HPSE2: variants seen among roughly 807,000 people sequenced by gnomAD.
HPSE2 encodes heparanase 2 (inactive), also known as inactive heparanase-2.
A neutral mutation model predicts 60.5 loss-of-function variants in HPSE2; 38 were observed. The ratio of observed to expected loss-of-function variants is 0.63; its 90% confidence interval spans 0.48 to 0.82. The LOEUF (loss-of-function observed/expected upper bound fraction) is 0.82, where lower values mean the gene tolerates loss of function less well. Among genes scored for constraint, HPSE2 ranks in the 40% least tolerant of loss-of-function variants. The probability of loss-of-function intolerance (pLI) is 0.00; values close to 1 mark genes in which losing one functional copy is unlikely to be tolerated. For synonymous variants in HPSE2, 295 were observed against 293.2 expected (o/e 1.01, Z -0.06); for missense variants, 713 against 740.4 (o/e 0.96, Z 0.43).
At chr10:98,697,887 C>T (rs1452778088) in intron 5 of HPSE2, among the ~76,000 whole-genome samples, 28 of 151,786 alleles carry the variant, frequency 1.8e-4, no homozygotes, top group African/African-American at 6.3e-4. Context: ...TCAAAAGAGA[C>T]AAAGAAGGCC....
At chr10:98,671,824 A>G (rs1947514789) in intron 6 of HPSE2, among the ~76,000 whole-genome samples, 1 of 152,160 alleles carries the variant, frequency 6.6e-6, no homozygotes, top group Non-Finnish European at 1.5e-5. Flanking sequence ...TGACAAAGGG[A>G]ATGAAAGGCA....
intron 4 of HPSE2, among the ~76,000 whole-genome samples, chr10:98,736,203 C>T (rs1949353146): frequency 1.0e-5 from 1 of 96,252 alleles, no homozygotes; most frequent in Non-Finnish European, 2.2e-5. Flanking sequence ...GGGGTTTCCC[C>T]TTTTGCTTGG....
At chr10:98,951,179 A>G (rs1426728298) in intron 3 of HPSE2, among the ~76,000 whole-genome samples, 1 of 152,182 alleles carries the variant, frequency 6.6e-6, no homozygotes, top group African/African-American at 2.4e-5. Context: ...TTTTTAAACC[A>G]AAAAGCACAC....
the HPSE2 span, among the ~76,000 whole-genome samples, chr10:99,265,985 C>T: frequency 1.8e-4 from 28 of 152,220 alleles, no homozygotes; most frequent in Admixed American, 1.8e-3. Flanking sequence ...TGGGCTCTCT[C>T]AGTCCCCAGA....
chr10:98,978,956 C>T (rs1159596743), intron 3 of HPSE2, among the ~76,000 whole-genome samples: 4 of 152,204 alleles, frequency 2.6e-5, no homozygotes, highest in African/African-American at 9.6e-5. Flanking sequence ...CAAGGAGATG[C>T]TCTGCCTTCT....
chr10:98,964,214 A>C (rs2135244751), intron 3 of HPSE2, among the ~76,000 whole-genome samples: 1 of 152,152 alleles, frequency 6.6e-6, no homozygotes, highest in South Asian at 2.1e-4. Context: ...TTTTATTTTC[A>C]ATTATTTTCT....
At chr10:99,235,904 T>TC, upstream of HPSE2, 1 of 938,180 alleles carries the variant, frequency 1.1e-6, no homozygotes, top group Non-Finnish European at 1.7e-6. Context: ...CCCCTTTTTT[T>TC]CCCTTCCTCC....
At chr10:98,534,324 C>CTA (rs1462704682) in intron 9 of HPSE2, among the ~76,000 whole-genome samples, 1 of 152,202 alleles carries the variant, frequency 6.6e-6, no homozygotes, top group Non-Finnish European at 1.5e-5. Context: ...TGGAAGAAAT[C>CTA]TGCCTCATAG....
chr10:99,207,745 T>C lies in HPSE2; in HGVS notation c.448+24603A>G, dbSNP rs1029893395. Among the ~76,000 whole-genome samples the C allele has an allele frequency of 1.1e-4, 17 of 152,084 alleles. 1 individual carries two copies. Among genetic ancestry groups the C allele is most frequent in the Admixed American group, 7.2e-4 (11 of 15,266 alleles). ...AGTTTTAAAAAGCCTAAAATAACTATGTTTTTATATAAGCTTCACTCTAAA... is the reference window on the plus strand; with the variant it reads ...AGTTTTAAAAAGCCTAAAATAACTACGTTTTTATATAAGCTTCACTCTAAA... On this transcript the variant is annotated intron_variant, in intron 2 of 11. Coordinates refer to ENST00000370552, the MANE Select transcript of HPSE2 (RefSeq NM_021828.5).
intron 11 of HPSE2, among the ~76,000 whole-genome samples, chr10:98,473,522 AAGAG>A (rs1440107825): frequency 2.7e-5 from 3 of 112,742 alleles, no homozygotes; most frequent in Admixed American, 1.7e-4. Flanking sequence ...GAAAAAGAGA[AAGAG>A]AGAGAGAGAA....
At chr10:98,752,781 G>T (rs147519673) in intron 3 of HPSE2, among the ~76,000 whole-genome samples, 1 of 152,260 alleles carries the variant, frequency 6.6e-6, no homozygotes, top group African/African-American at 2.4e-5. Context: ...CCATGATATG[G>T]AATCAGCCTA....
chr10:98,958,842 T>C (rs1046745975), intron 3 of HPSE2, among the ~76,000 whole-genome samples: 2 of 152,168 alleles, frequency 1.3e-5, no homozygotes, highest in African/African-American at 4.8e-5. Flanking sequence ...ATTCCTATTA[T>C]ACCTCACCTG....
At chr10:98,950,956 C>G (rs536730872) in intron 3 of HPSE2, among the ~76,000 whole-genome samples, 21 of 152,272 alleles carry the variant, frequency 1.4e-4, no homozygotes, top group African/African-American at 3.9e-4. Flanking sequence ...GTCTGGCTTT[C>G]TGTGCCACTT....
chr10:98,962,581 A>G (rs1428568475), intron 3 of HPSE2, among the ~76,000 whole-genome samples: 10 of 151,124 alleles, frequency 6.6e-5, no homozygotes, highest in East Asian at 5.8e-4. Flanking sequence ...TTCTGGCCAG[A>G]GCAATCAGGC....
chr10:98,510,148 T>G (rs1252580942), intron 9 of HPSE2, among the ~76,000 whole-genome samples: 1 of 152,190 alleles, frequency 6.6e-6, no homozygotes, highest in African/African-American at 2.4e-5. Flanking sequence ...CTGATAAATA[T>G]GAATCTAATG....
At chr10:99,177,411 AATGG>A (rs951180166) in intron 2 of HPSE2, among the ~76,000 whole-genome samples, 36 of 152,280 alleles carry the variant, frequency 2.4e-4, no homozygotes, top group African/African-American at 8.4e-4. Context: ...ACTCAAAATA[AATGG>A]ATGGAGAAAT....
chr10:98,901,135 GA>G, intron 3 of HPSE2, among the ~76,000 whole-genome samples: 1 of 152,086 alleles, frequency 6.6e-6, no homozygotes. Flanking sequence ...TCATTTATAC[GA>G]AACTCTAGAA....
At chr10:99,027,942 GA>G (rs1251806294) in intron 3 of HPSE2, among the ~76,000 whole-genome samples, 1 of 152,022 alleles carries the variant, frequency 6.6e-6, no homozygotes, top group Non-Finnish European at 1.5e-5. Context: ...AAAATTAATT[GA>G]AAATTTACCA....
intron 3 of HPSE2, among the ~76,000 whole-genome samples, chr10:98,979,110 T>G (rs914835759): frequency 2.6e-5 from 4 of 152,210 alleles, no homozygotes; most frequent in African/African-American, 9.6e-5. Flanking sequence ...CAAGTGTTTC[T>G]AAGTGCAAGA....
Sources: allele counts gnomAD v4.1 joint callset (sites outside exome capture counted in the v4.1 genomes callset), GRCh38; gene constraint gnomAD v4.1.1; transcripts MANE v1.5; gene names NCBI Gene and HGNC (gene_info 2026-07-23, HGNC 2026-07-21).